PCDHGA12: variants seen among roughly 807,000 people sequenced by gnomAD.
PCDHGA12 encodes the protein protocadherin gamma subfamily A, 12.
A neutral mutation model predicts 61.1 loss-of-function variants in PCDHGA12; 43 were observed. The observed-to-expected ratio is 0.70, with a 90% confidence interval of 0.55 to 0.91. The LOEUF is 0.91. PCDHGA12 is among the 40% of genes least tolerant of loss of function. The probability of loss-of-function intolerance (pLI) is 0.00; values close to 1 mark genes in which losing one functional copy is unlikely to be tolerated. For missense variants in PCDHGA12, 1,236 were observed against 1,227.7 expected (o/e 1.01, Z -0.10); for synonymous variants, 520 against 542.9 (o/e 0.96, Z 0.59).
intron 1 of PCDHGA12, among the ~76,000 whole-genome samples, chr5:141,448,571 C>G (rs1207283773): frequency 6.6e-6 from 1 of 152,128 alleles, no homozygotes; most frequent in Non-Finnish European, 1.5e-5. Flanking sequence ...TTTTATTTCC[C>G]CATTTTTTTT....
chr5:141,507,616 G>A (rs1288020739), intron 3 of PCDHGA12, among the ~76,000 whole-genome samples: 3 of 152,252 alleles, frequency 2.0e-5, no homozygotes, highest in Non-Finnish European at 4.4e-5. Context: ...GGTATATTTA[G>A]CTGTTGTGGC....
At chr5:141,467,846 A>G (rs984687278) in intron 1 of PCDHGA12, among the ~76,000 whole-genome samples, 2 of 151,926 alleles carry the variant, frequency 1.3e-5, no homozygotes, top group Non-Finnish European at 2.9e-5. Context: ...TTTTTGTAGA[A>G]TGAGATTTCA....
chr5:141,510,229 C>T (rs904367594), intron 3 of PCDHGA12, among the ~76,000 whole-genome samples: 3 of 150,486 alleles, frequency 2.0e-5, no homozygotes, highest in African/African-American at 7.4e-5. Context: ...GCCGGGATCG[C>T]GCCACTGCAC....
At position 141,512,133 on chromosome 5, in the gene PCDHGA12, G is replaced by C. The variant is rs1394116556; in HGVS notation, c.*960G>C. 1 of 152,708 alleles carries C rather than the reference G, an allele frequency of 6.5e-6. No homozygotes were observed. Among genetic ancestry groups the C allele is most frequent in the Non-Finnish European group, 1.5e-5 (1 of 68,102 alleles). The allele number at this position is 152,708 out of a possible 1,614,324, so 9.5% of individuals were successfully genotyped here. On this transcript the variant is annotated 3_prime_UTR_variant, in exon 4 of 4. Transcript: ENST00000252085. ...CCACTACATAATAGGGCTCAGCCCA[G>C]GCAGCCAGCTTTGGGCTGAGCTAAC...
intron 2 of PCDHGA12, among the ~76,000 whole-genome samples, chr5:141,499,445 C>A (rs904360147): frequency 1.3e-5 from 2 of 152,062 alleles, no homozygotes; most frequent in African/African-American, 4.8e-5. Flanking sequence ...AAAGGAAAAC[C>A]ACCCATCATT....
At chr5:141,461,011 A>G (rs971172615) in intron 1 of PCDHGA12, among the ~76,000 whole-genome samples, 2 of 151,288 alleles carry the variant, frequency 1.3e-5, no homozygotes, top group Non-Finnish European at 2.9e-5. Context: ...ATATATATAT[A>G]CCACATTTTC....
intron 1 of PCDHGA12, 74 bp downstream of exon 1, chr5:141,433,257 G>T: frequency 7.2e-7 from 1 of 1,385,416 alleles, no homozygotes; most frequent in Non-Finnish European, 9.9e-7. Context: ...GCAGCGGTAC[G>T]ATCATAGCTC....
intron 1 of PCDHGA12, chr5:141,475,916 G>C (rs1396506642): frequency 1.7e-6 from 1 of 595,408 alleles, no homozygotes; most frequent in Non-Finnish European, 2.9e-6. Flanking sequence ...CAATGAAGAC[G>C]CTGGAGATCG....
intron 1 of PCDHGA12, among the ~76,000 whole-genome samples, chr5:141,474,263 A>C (rs964712807): frequency 6.6e-6 from 1 of 152,188 alleles, no homozygotes; most frequent in Non-Finnish European, 1.5e-5. Context: ...CTGATAAACC[A>C]GTGTATCTCT....
In PCDHGA12 at chr5:141,432,365, G is replaced by A. The variant is rs1561860587; in HGVS notation, c.1606G>A (p.Asp536Asn). The A allele has an allele frequency of 6.2e-7, 1 of 1,614,224 alleles. No homozygotes were observed. The highest frequency in any genetic ancestry group is 2.2e-5 in the East Asian group (1 of 44,882). ...RDLQVKVMAR[D>N]NGHPPLSSNV... is the part of the protein sequence containing the mutation. ...CTTGCAAGTGAAAGTGATGGCGCGG[G>A]ACAACGGGCACCCGCCCCTCAGCAG... The change falls in exon 1 of 4, where the codon GAC becomes AAC. Residue 536 changes from aspartate to asparagine, a missense_variant. Transcript: ENST00000252085. The surrounding 1 kb of genome is among the most constrained non-coding windows in gnomAD (Gnocchi z 6.0).
In PCDHGA12 at chr5:141,432,068, C is replaced by G. The variant is rs1297096209; in HGVS notation, c.1309C>G (p.His437Asp). ...AACCCCGCCCCTATCCACGGAAACT[C>G]ATATCTCGCTGAACGTGGCAGACAC... ...RGTPPLSTET[H>D]ISLNVADTND... Residue 437 changes from histidine to aspartate, a missense_variant, in exon 1 of 4, where the codon CAT becomes GAT. Physicochemically the swap from His to Asp is moderately conservative, Grantham distance 81. Transcript: ENST00000252085. The surrounding 1 kb of genome is among the most constrained non-coding windows in gnomAD (Gnocchi z 6.0). 6.2e-7 allele frequency: 1 copy of G among 1,614,210 alleles called. No individual in the cohort carries two copies. The highest frequency in any genetic ancestry group is 1.7e-5 in the Admixed American group (1 of 60,028).
chr5:141,433,358 CCTATCTAT>C lies in PCDHGA12; in HGVS notation c.2424+216_2424+223del, dbSNP rs3074541. On this transcript the variant is annotated intron_variant, in intron 1 of 3. Transcript: ENST00000252085. ...ACAGGTGCAAGCCACCTACTGTCTG[CCTATCTAT>C]CTATCTATCTATCTATCTATCTATC... is the stretch of plus-strand genomic sequence containing the variant. The C allele has an allele frequency of 7.0e-3, 3,504 of 501,060 alleles. 20 individuals carry two copies. The highest frequency in any genetic ancestry group is 7.9e-3 in the Non-Finnish European group (2,251 of 285,142). The allele number at this position is 501,060 out of a possible 1,614,324, so 31.0% of individuals were successfully genotyped here.
At chr5:141,501,409 A>G (rs1358547245) in intron 2 of PCDHGA12, among the ~76,000 whole-genome samples, 1 of 151,978 alleles carries the variant, frequency 6.6e-6, no homozygotes, top group African/African-American at 2.4e-5. Context: ...ACTGCTTGGA[A>G]AATAGTTGAC....
intron 1 of PCDHGA12, among the ~76,000 whole-genome samples, chr5:141,456,887 C>T (rs112521083): frequency 0.042 from 6,384 of 152,090 alleles, 167 homozygotes; most frequent in Middle Eastern, 0.088. Flanking sequence ...CGCTTGAACC[C>T]GGGAGGCAGA....
chr5:141,455,541 A>G (rs2098825752), intron 1 of PCDHGA12, among the ~76,000 whole-genome samples: 1 of 152,134 alleles, frequency 6.6e-6, no homozygotes, highest in African/African-American at 2.4e-5. Context: ...CATATCATTC[A>G]CGTAGCCCGA....
At chr5:141,474,044 T>A (rs1442885504) in intron 1 of PCDHGA12, among the ~76,000 whole-genome samples, 3 of 152,162 alleles carry the variant, frequency 2.0e-5, no homozygotes. Context: ...TACTCCAGCC[T>A]GGATGACAGA....
chr5:141,471,618 A>C (rs1421854064), intron 1 of PCDHGA12: 1 of 152,218 alleles, frequency 6.6e-6, no homozygotes, highest in Non-Finnish European at 1.5e-5. Context: ...TGGGAGTAGT[A>C]AGCATTGGTA....
intron 1 of PCDHGA12, chr5:141,478,008 C>T: frequency 6.2e-7 from 1 of 1,614,124 alleles, no homozygotes; most frequent in Non-Finnish European, 8.5e-7. Flanking sequence ...ATCAGTACTG[C>T]CCGTCCAGTC....
rs377138746 is a variant in PCDHGA12 at position 141,432,481 on chromosome 5, C to T, written c.1722C>T (p.Gly574=). ...YPALPTDGST[G]VELAPRSAEP... is the part of the protein sequence containing the mutation. ...CCCTCCCCACGGACGGTTCCACTGG[C>T]GTGGAGCTGGCTCCCCGCTCCGCAG... Residue 574 remains glycine (G), a synonymous_variant, in exon 1 of 4, where the codon GGC becomes GGT. Transcript: ENST00000252085. This position sits in a 1 kb window ranked among gnomAD's most constrained non-coding sequence, Gnocchi z 6.0. The T allele has an allele frequency of 1.1e-5, 17 of 1,614,198 alleles. No individual in the cohort carries two copies. The African/African-American group carries it at 1.7e-4, about 16-fold the overall frequency.
Sources: allele counts gnomAD v4.1 joint callset (sites outside exome capture counted in the v4.1 genomes callset), GRCh38; gene constraint gnomAD v4.1.1; non-coding constraint Gnocchi (gnomAD v3.1); transcripts MANE v1.5; gene names NCBI Gene and HGNC (gene_info 2026-07-23, HGNC 2026-07-21).